Variants in KLHL22 observed in about 807,000 individuals in gnomAD.
KLHL22 encodes the protein kelch-like protein 22.
Under a neutral mutation model 60.7 loss-of-function variants are expected in KLHL22, and 18 were observed. The ratio of observed to expected loss-of-function variants is 0.30; its 90% confidence interval spans 0.20 to 0.44. KLHL22 has a LOEUF of 0.44. KLHL22 is among the 20% of genes least tolerant of loss of function. The pLI is 1.00. For synonymous variants in KLHL22, 355 were observed against 354.5 expected, an observed-to-expected ratio of 1.00 and a Z score of -0.01; for missense variants, 596 against 852.3, an observed-to-expected ratio of 0.70 and a Z score of 3.74.
At position 20,495,416 on chromosome 22, in the gene KLHL22, G is replaced by GA. The variant is rs1391654185; in HGVS notation, c.-34+343dup. On this transcript the variant is annotated intron_variant, in intron 1 of 6. Coordinates refer to ENST00000328879, the MANE Select transcript of KLHL22 (RefSeq NM_032775.4). This position sits in a 1 kb window ranked among gnomAD's most constrained non-coding sequence, Gnocchi z 4.6. Reference sequence around the variant, plus strand: ...CTCCAGCGCGGAGGGTCGCGGCCAGGAAGGCCGCATTCGGACCTGCCGCAG... The same window carrying GA: ...CTCCAGCGCGGAGGGTCGCGGCCAGGAAAGGCCGCATTCGGACCTGCCGCAG... 6.6e-6 allele frequency among the ~76,000 whole-genome samples: 1 copy of GA among 152,000 alleles called. No homozygotes were observed. The highest frequency in any genetic ancestry group is 1.5e-5 in the Non-Finnish European group (1 of 67,944).
chr22:20,465,163 T>C lies in KLHL22; in HGVS notation c.807A>G (p.Thr269=). The C allele has an allele frequency of 6.2e-7, 1 of 1,613,884 alleles. No homozygotes were observed. The highest frequency in any genetic ancestry group is 8.5e-7 in the Non-Finnish European group (1 of 1,179,996). The change falls in exon 4 of 7, where the codon ACA becomes ACG. Residue 269 remains threonine (T), a synonymous_variant. Transcript: ENST00000328879. The surrounding 1 kb of genome is among the most constrained non-coding windows in gnomAD (Gnocchi z 4.9). ...DKLDPSPLRD[T]VASALMYHRN... The stretch of plus-strand genomic sequence containing the variant: ...GGTGGTACATGAGGGCGCTGGCCAC[T>C]GTGTCCCTCAAAGGGCTGGGGTCCA...
intron 5 of KLHL22, among the ~76,000 whole-genome samples, chr22:20,447,968 AG>A (rs1416879950): frequency 6.6e-6 from 1 of 152,154 alleles, no homozygotes; most frequent in East Asian, 1.9e-4. Flanking sequence ...ACTATATCAC[AG>A]GGTCACCAGG....
Position 20,465,485 on chromosome 22 carries a change from A to G in KLHL22, c.485T>C (p.Phe162Ser). The G allele has an allele frequency of 6.2e-7, 1 of 1,612,922 alleles. No individual in the cohort carries two copies. Among genetic ancestry groups the G allele is most frequent in the Non-Finnish European group, 8.5e-7 (1 of 1,178,894 alleles). Reference protein sequence around the residue: ...ILDVYRLAELFDLSRLTEQLD... With the variant: ...ILDVYRLAELSDLSRLTEQLD... ...TTGCTCAGTCAGGCGGCTCAAGTCA[A>G]ACAGCTCTGCCAGCCGGTAGACATC... Residue 162 changes from phenylalanine (F) to serine (S), a missense_variant, in exon 4 of 7, where the codon TTT becomes TCT. Physicochemically the swap from Phe to Ser is radical, Grantham distance 155. Coordinates refer to ENST00000328879, the MANE Select transcript of KLHL22 (RefSeq NM_032775.4). This position sits in a 1 kb window ranked among gnomAD's most constrained non-coding sequence, Gnocchi z 4.9.
rs60765839 is a variant in KLHL22, at chr22:20,460,610, C to CAAAAAAAAAAAAAA, written c.1113-2624_1113-2611dup. On this transcript the variant is annotated intron_variant, in intron 4 of 6. Transcript: ENST00000328879. ...GGCGACAGAGTGAAACTCCATCCCCCAAAAAAAAAAAAAAAAAAAAAAAAA... is the reference window on the plus strand; with the variant it reads ...GGCGACAGAGTGAAACTCCATCCCCCAAAAAAAAAAAAAAAAAAAAAAAAAAAAAAAAAAAAAAA... 4.2e-4 allele frequency among the ~76,000 whole-genome samples: 4 copies of CAAAAAAAAAAAAAA among 9,418 alleles called. 2 individuals carry two copies. Among genetic ancestry groups the CAAAAAAAAAAAAAA allele is most frequent in the East Asian group, 6.9e-3 (2 of 288 alleles). 6.2% of individuals were successfully genotyped at this position (9,418 alleles called of 152,430 possible). A position where few individuals can be genotyped will look rare whatever the true frequency, so the allele number is the denominator to read the frequency against.
At chr22:20,468,998 C>CT (rs923464390) in intron 3 of KLHL22, among the ~76,000 whole-genome samples, 52 of 152,314 alleles carry the variant, frequency 3.4e-4, no homozygotes, top group African/African-American at 1.2e-3. Flanking sequence ...GCTGCTGCCT[C>CT]TGAGATGACC....
intron 1 of KLHL22, chr22:20,493,228 A>G: frequency 2.1e-6 from 1 of 471,288 alleles, no homozygotes; most frequent in Non-Finnish European, 4.4e-6. Context: ...CTGCAAAAAC[A>G]AGTACGGTAA....
At chr22:20,461,928 A>C (rs1009340074) in intron 4 of KLHL22, among the ~76,000 whole-genome samples, 1 of 151,920 alleles carries the variant, frequency 6.6e-6, no homozygotes, top group Non-Finnish European at 1.5e-5. Flanking sequence ...GTGAAACCCT[A>C]TCTCTACTAA....
intron 1 of KLHL22, among the ~76,000 whole-genome samples, chr22:20,492,918 G>A (rs2053713902): frequency 6.6e-6 from 1 of 152,132 alleles, no homozygotes; most frequent in Non-Finnish European, 1.5e-5. Flanking sequence ...CCCACGACAA[G>A]GAGATTCCGG....
chr22:20,489,719 C>A (rs1447084399), intron 1 of KLHL22: 5 of 471,228 alleles, frequency 1.1e-5, no homozygotes, highest in Non-Finnish European at 2.2e-5. Context: ...ATTGAATGAA[C>A]AAAATTGGGT....
At chr22:20,464,099 T>C (rs755605888) in intron 4 of KLHL22, among the ~76,000 whole-genome samples, 54 of 152,176 alleles carry the variant, frequency 3.5e-4, no homozygotes, top group Non-Finnish European at 6.6e-4. Flanking sequence ...TAGCTGAGTC[T>C]TGTGGGCCTG....
chr22:20,482,043 C>T (rs2146270123), intron 2 of KLHL22: 1 of 152,330 alleles, frequency 6.6e-6, no homozygotes, highest in African/African-American at 2.4e-5. Flanking sequence ...GGCCGGTTCA[C>T]ACCTCTTTTT....
chr22:20,464,993 C>T lies in KLHL22; in HGVS notation c.977G>A (p.Gly326Glu). 6.2e-7 allele frequency: 1 copy of T among 1,611,840 alleles called. No individual in the cohort carries two copies. Among genetic ancestry groups the T allele is most frequent in the Non-Finnish European group, 8.5e-7 (1 of 1,178,874 alleles). The change falls in exon 4 of 7, where the codon GGA becomes GAA. Residue 326 changes from glycine (G) to glutamate (E), a missense_variant. Gly to Glu is a moderately conservative substitution (Grantham distance 98, BLOSUM62 -2). Transcript: ENST00000328879. ...DQAKYLNPLLGEWKHFTASLA... is the reference protein window; with the variant it reads ...DQAKYLNPLLEEWKHFTASLA... ...GGAGGCAGTGAAGTGCTTCCACTCT[C>T]CCAGTAAGGGGTTTAGATACTTGGC...
At chr22:20,466,497 C>T (rs1448264277) in intron 3 of KLHL22, among the ~76,000 whole-genome samples, 3 of 151,866 alleles carry the variant, frequency 2.0e-5, no homozygotes, top group Non-Finnish European at 2.9e-5. Context: ...CATCCCTACC[C>T]TAGGATTCTC....
rs201905131 is a variant in KLHL22, at chr22:20,442,488, G to A, written c.1540-50C>T. ...GCCCAGCACCCACTGGGACGAGGCT[G>A]CCAGCTCCCCCACAAGCCCACTGAC... On this transcript the variant is annotated intron_variant, in intron 6 of 6. Transcript: ENST00000328879. 1.2e-4 allele frequency: 182 copies of A among 1,506,732 alleles called. 2 individuals carry two copies. The South Asian group carries it at 2.2e-3, about 18-fold the overall frequency. 93.3% of individuals were successfully genotyped at this position (1,506,732 alleles called of 1,614,324 possible).
chr22:20,492,348 C>T (rs1464031211), intron 1 of KLHL22, among the ~76,000 whole-genome samples: 1 of 152,110 alleles, frequency 6.6e-6, no homozygotes, highest in African/African-American at 2.4e-5. Flanking sequence ...CAGTGATGCC[C>T]CTACCAGTTT....
intron 5 of KLHL22, among the ~76,000 whole-genome samples, chr22:20,452,249 AAAAT>A (rs1400659951): frequency 1.3e-5 from 2 of 151,918 alleles, no homozygotes; most frequent in Non-Finnish European, 2.9e-5. Context: ...TAAACTTGGT[AAAAT>A]CCAAGTCTTT....
rs1455207711 is a variant in KLHL22 at position 20,489,013 on chromosome 22, G to A, written c.199C>T (p.Leu67=). The part of the protein sequence containing the change: ...EGRHIEAHRI[L]LAASCDYFRG... ...AAGTAATCGCAGGACGCAGCCAGCA[G>A]GATGCGATGGGCCTCGATGTGTCTG... is the stretch of plus-strand genomic sequence containing the variant. The change falls in exon 2 of 7, where the codon CTG becomes TTG. Residue 67 remains leucine, a synonymous_variant. Coordinates refer to ENST00000328879, the MANE Select transcript of KLHL22 (RefSeq NM_032775.4). 6.2e-7 allele frequency: 1 copy of A among 1,614,006 alleles called. No homozygotes were observed. The highest frequency in any genetic ancestry group is 8.5e-7 in the Non-Finnish European group (1 of 1,180,034).
intron 2 of KLHL22, chr22:20,482,799 C>T (rs548504288): frequency 1.2e-5 from 14 of 1,192,718 alleles, no homozygotes; most frequent in Non-Finnish European, 1.6e-5. Flanking sequence ...CCAAAGGATA[C>T]CCTGCTTCTG....
chr22:20,446,091 A>G (rs560679801), intron 6 of KLHL22, among the ~76,000 whole-genome samples: 8 of 152,230 alleles, frequency 5.3e-5, no homozygotes, highest in Non-Finnish European at 2.9e-5. Context: ...AAGCAAAGGT[A>G]GATGTGTATG....
Sources: gnomAD v4.1 joint callset for allele counts (sites outside exome capture counted in the v4.1 genomes callset) on GRCh38, gnomAD v4.1.1 for gene constraint, Gnocchi (gnomAD v3.1) non-coding constraint, MANE v1.5 for transcripts, NCBI Gene and HGNC (gene_info 2026-07-23, HGNC 2026-07-21) for gene names.